The following ARHGEF33 variants were observed in gnomAD, a reference collection of about 807,000 sequenced individuals.
ARHGEF33 encodes Rho guanine nucleotide exchange factor 33, also known as DH and coiled-coil domain-containing protein ENSP00000381780.
A neutral mutation model predicts 101.9 loss-of-function variants in ARHGEF33; 72 were observed. That is an observed-to-expected ratio of 0.71 (90% CI 0.58 to 0.86). The LOEUF (loss-of-function observed/expected upper bound fraction) is 0.86. Ranked by LOEUF, ARHGEF33 falls within the 40% of genes least tolerant of loss-of-function variation. The pLI, the probability that ARHGEF33 is intolerant of heterozygous loss-of-function variation, is 0.00. For synonymous variants in ARHGEF33, 499 were observed against 442.5 expected (o/e 1.13, Z -1.60); for missense variants, 1,169 against 1,111.3 (o/e 1.05, Z -0.74).
intron 17 of ARHGEF33, chr2:38,969,302 C>T (rs1668118792): frequency 1.2e-5 from 2 of 166,916 alleles, no homozygotes; most frequent in African/African-American, 4.8e-5. Flanking sequence ...TGGGCCAGTG[C>T]CAGCAAAGCC....
chr2:38,929,855 A>C, intron 6 of ARHGEF33, 25 bp downstream of exon 6: 4 of 1,549,044 alleles, frequency 2.6e-6, no homozygotes, highest in Non-Finnish European at 3.5e-6. Context: ...AAAATGTACC[A>C]AAGGCAAACC....
chr2:38,921,566 C>T (rs1358529013), intron 4 of ARHGEF33, 143 bp downstream of exon 4: 1 of 653,812 alleles, frequency 1.5e-6, no homozygotes, highest in African/African-American at 1.8e-5. Context: ...GTGAGACAGG[C>T]ACCTCAGTGG....
rs1668045122 is a variant in ARHGEF33, at chr2:38,966,022, A to G, written c.2360A>G (p.Asp787Gly). 3 of 1,551,674 alleles carry G rather than the reference A, an allele frequency of 1.9e-6. No individual in the cohort carries two copies. The highest frequency in any genetic ancestry group is 2.6e-6 in the Non-Finnish European group (3 of 1,146,966). Residue 787 changes from aspartate (D) to glycine (G), a missense_variant, in exon 17 of 18, where the codon GAT (aspartate) becomes GGT (glycine). Asp to Gly is a moderately conservative substitution (Grantham distance 94). Transcript: ENST00000409978. ...LEVRREMHLE[D>G]TTRFCPKEER... ...TGTTTCCAGGAGATGCATTTAGAAG[A>G]TACTACCAGATTCTGTCCCAAAGAA...
intron 17 of ARHGEF33, 146 bp downstream of exon 17, chr2:38,966,291 C>T (rs750166624): frequency 4.4e-5 from 48 of 1,098,008 alleles, no homozygotes; most frequent in East Asian, 5.3e-5. Flanking sequence ...ACAGTTCCGG[C>T]GGGGTGAAGA....
intron 17 of ARHGEF33, among the ~76,000 whole-genome samples, chr2:38,967,777 A>C (rs1572784314): frequency 3.9e-5 from 5 of 129,652 alleles, no homozygotes; most frequent in East Asian, 2.2e-4. Flanking sequence ...ACAGGATTTC[A>C]CCATGTTGGC....
chr2:38,940,764 A>G (rs1269942525), intron 9 of ARHGEF33, among the ~76,000 whole-genome samples: 1 of 152,226 alleles, frequency 6.6e-6, no homozygotes, highest in Non-Finnish European at 1.5e-5. Context: ...AACGTACAGC[A>G]AGCTATTGCA....
intron 9 of ARHGEF33, 64 bp downstream of exon 9, chr2:38,937,623 T>C: frequency 1.0e-6 from 1 of 987,128 alleles, no homozygotes; most frequent in African/African-American, 1.6e-5. Context: ...AGCTTTGAAC[T>C]CAAAGGCGAG....
intron 16 of ARHGEF33, among the ~76,000 whole-genome samples, chr2:38,961,264 C>G (rs1008385904): frequency 6.6e-6 from 1 of 152,080 alleles, no homozygotes; most frequent in Admixed American, 6.5e-5. Context: ...AAAAGAGTGT[C>G]CTATTAATTT....
chr2:38,954,595 C>T lies in ARHGEF33; in HGVS notation c.1221+139C>T, dbSNP rs1667692854. 4 of 635,046 alleles carry T rather than the reference C, an allele frequency of 6.3e-6. No homozygotes were observed. The South Asian group carries it at 7.6e-5, about 12-fold the overall frequency. The allele number at this position is 635,046 out of a possible 1,614,324, so 39.3% of individuals were successfully genotyped here. ...GTGTTTATTTAGATTGTTATGATTA[C>T]CTGATAACCCATAATACCCTGTGGT... On this transcript the variant is annotated intron_variant, in intron 13 of 17. Transcript: ENST00000409978.
intron 2 of ARHGEF33, among the ~76,000 whole-genome samples, chr2:38,917,382 G>T (rs913576606): frequency 3.3e-5 from 5 of 151,992 alleles, no homozygotes; most frequent in Non-Finnish European, 7.4e-5. Flanking sequence ...ATGAGCCACC[G>T]CATCGAGCCC....
intron 16 of ARHGEF33, among the ~76,000 whole-genome samples, chr2:38,963,536 G>A (rs888339111): frequency 2.0e-5 from 3 of 152,150 alleles, no homozygotes; most frequent in Admixed American, 1.3e-4. Context: ...TATCTCACAG[G>A]GTTGTTGGGA....
At chr2:38,932,659 G>C (rs1667034900) in intron 7 of ARHGEF33, among the ~76,000 whole-genome samples, 1 of 152,140 alleles carries the variant, frequency 6.6e-6, no homozygotes, top group Admixed American at 6.5e-5. Flanking sequence ...GGCAGGTCTG[G>C]AGCAGCTAAA....
intron 1 of ARHGEF33, among the ~76,000 whole-genome samples, chr2:38,891,115 G>A (rs944367998): frequency 6.6e-6 from 1 of 151,744 alleles, no homozygotes; most frequent in Non-Finnish European, 1.5e-5. Flanking sequence ...TGTATTTTTT[G>A]TAGAGATGGG....
chr2:38,960,378 A>G lies in ARHGEF33; in HGVS notation c.2073A>G (p.Lys691=), dbSNP rs958412. 1,412,998 of 1,521,276 alleles carry G rather than the reference A, an allele frequency of 0.93. 657,086 individuals are homozygous for G. The highest frequency in any genetic ancestry group is 0.95 in the African/African-American group (68,667 of 72,002). 94.2% of individuals were successfully genotyped at this position (1,521,276 alleles called of 1,614,324 possible). A position where few individuals can be genotyped will look rare whatever the true frequency, so the allele number is the denominator to read the frequency against. Residue 691 remains lysine (K), a synonymous_variant, in exon 16 of 18, where the codon AAA becomes AAG. Transcript: ENST00000409978. ...TSPAGSSSAY[K]LEAAAQAHGK... is the part of the protein sequence containing the mutation. ...CGGCGGGCAGCAGCAGCGCCTACAA[A>G]CTGGAGGCGGCGGCGCAGGCGCACG...
At chr2:38,912,802 A>G (rs990665442) in intron 2 of ARHGEF33, among the ~76,000 whole-genome samples, 6 of 152,220 alleles carry the variant, frequency 3.9e-5, no homozygotes, top group African/African-American at 7.2e-5. Flanking sequence ...TCTGTATGCC[A>G]TGATCCTGGG....
intron 2 of ARHGEF33, among the ~76,000 whole-genome samples, chr2:38,908,370 G>A (rs777082366): frequency 6.6e-6 from 1 of 152,200 alleles, no homozygotes; most frequent in Non-Finnish European, 1.5e-5. Context: ...AGTCAGAAGA[G>A]CCCCTGGAAG....
At chr2:38,965,582 A>G (rs987293519) in intron 16 of ARHGEF33, among the ~76,000 whole-genome samples, 1 of 152,218 alleles carries the variant, frequency 6.6e-6, no homozygotes, top group African/African-American at 2.4e-5. Context: ...GAACATCCTT[A>G]TTTTGTAGAA....
chr2:38,916,801 CTTT>C (rs200104155), intron 2 of ARHGEF33, among the ~76,000 whole-genome samples: 7 of 137,948 alleles, frequency 5.1e-5, no homozygotes, highest in Admixed American at 7.3e-5. Context: ...ATAATAAAGT[CTTT>C]TTTTTTTTTT....
intron 7 of ARHGEF33, among the ~76,000 whole-genome samples, chr2:38,935,526 T>C (rs1442726986): frequency 6.6e-6 from 1 of 152,216 alleles, no homozygotes; most frequent in African/African-American, 2.4e-5. Context: ...CAGGTAGAAC[T>C]TCAAGCAGTT....
Sources: gnomAD v4.1 joint callset for allele counts (sites outside exome capture counted in the v4.1 genomes callset) on GRCh38, gnomAD v4.1.1 for gene constraint, MANE v1.5 for transcripts, NCBI Gene and HGNC (gene_info 2026-07-23, HGNC 2026-07-21) for gene names.